The following DNAH3 variants were observed in gnomAD, a reference collection of about 807,000 sequenced individuals.
The protein encoded by DNAH3 is axonemal beta dynein heavy chain 3.
Under a neutral mutation model 432.5 loss-of-function variants are expected in DNAH3, and 332 were observed. The observed-to-expected ratio is 0.77, with a 90% CI of 0.70 to 0.84. DNAH3 has a LOEUF of 0.84. DNAH3 is among the 40% of genes least tolerant of loss of function. DNAH3 has a pLI of 0.00. For synonymous variants in DNAH3, 1,956 were observed against 1,900.2 expected (o/e 1.03, Z -0.76); for missense variants, 4,861 against 5,114.0 (o/e 0.95, Z 1.51).
At chr16:21,098,635 C>T (rs769897712) in exon 17 of DNAH3, 15 of 1,612,876 alleles carry the variant, frequency 9.3e-6, no homozygotes, top group Middle Eastern at 1.6e-4. Context: ...TGCAAACGCC[C>T]GATTTAGGTT....
At chr16:21,089,020 T>C (rs2091458473) in intron 18 of DNAH3, among the ~76,000 whole-genome samples, 1 of 152,170 alleles carries the variant, frequency 6.6e-6, no homozygotes, top group Admixed American at 6.5e-5. Context: ...GCCATCAAAA[T>C]GTGAGCTATA....
chr16:21,092,150 T>C (rs1235795811), intron 18 of DNAH3, among the ~76,000 whole-genome samples: 1 of 152,162 alleles, frequency 6.6e-6, no homozygotes, highest in Non-Finnish European at 1.5e-5. Context: ...AGATCCAGAA[T>C]AGCCAACACA....
At chr16:20,949,692 C>T (rs1047165718) in intron 56 of DNAH3, among the ~76,000 whole-genome samples, 4 of 152,114 alleles carry the variant, frequency 2.6e-5, no homozygotes, top group African/African-American at 9.7e-5. Context: ...AGAATTACAA[C>T]GAGCAAAGAC....
At chr16:21,044,750 C>A (rs1226976189) in intron 31 of DNAH3, among the ~76,000 whole-genome samples, 38 of 92,014 alleles carry the variant, frequency 4.1e-4, no homozygotes, top group African/African-American at 1.6e-3. Context: ...CTGTCTTGTG[C>A]CAGTTTTCAA....
At chr16:21,062,612 G>A (rs144617499) in exon 25 of DNAH3, 35,521 of 1,613,812 alleles carry the variant, frequency 0.022, 457 homozygotes, top group South Asian at 0.029. Context: ...CTTCAAGTGC[G>A]GCTGCACTCG....
At chr16:20,940,433 AT>A (rs970618913) in intron 59 of DNAH3, among the ~76,000 whole-genome samples, 18 of 150,904 alleles carry the variant, frequency 1.2e-4, no homozygotes, top group Non-Finnish European at 1.9e-4. Context: ...CTATTGTGTA[AT>A]TTTTTTTTAA....
chr16:21,154,618 C>T (rs1211355571), intron 1 of DNAH3, among the ~76,000 whole-genome samples: 2 of 152,194 alleles, frequency 1.3e-5, no homozygotes, highest in Non-Finnish European at 1.5e-5. Context: ...GTCTTTGAAT[C>T]TTCTCAACAA....
exon 40 of DNAH3, chr16:21,022,077 A>G (rs764560839): frequency 6.2e-7 from 1 of 1,614,058 alleles, no homozygotes; most frequent in South Asian, 1.1e-5. Context: ...AGGGCTGGAC[A>G]AGCCACATGA....
At chr16:20,974,017 G>C (rs2085462894) in intron 51 of DNAH3, among the ~76,000 whole-genome samples, 1 of 151,904 alleles carries the variant, frequency 6.6e-6, no homozygotes, top group African/African-American at 2.4e-5. Context: ...AAACATATTG[G>C]GTCTTTTTGT....
chr16:21,053,310 T>C (rs776093044), intron 28 of DNAH3, among the ~76,000 whole-genome samples: 2 of 152,268 alleles, frequency 1.3e-5, no homozygotes, highest in African/African-American at 2.4e-5. Flanking sequence ...GGTGAATATA[T>C]AGGGGAACCA....
intron 32 of DNAH3, 66 bp from the exon 33 acceptor site, chr16:21,040,009 C>T: frequency 7.5e-7 from 1 of 1,331,892 alleles, no homozygotes; most frequent in South Asian, 1.2e-5. Context: ...CGCACATTCA[C>T]AGAAGCAAAG....
At chr16:21,026,062 T>C (rs1019646386) in intron 38 of DNAH3, among the ~76,000 whole-genome samples, 2 of 152,066 alleles carry the variant, frequency 1.3e-5, no homozygotes, top group African/African-American at 2.4e-5. Flanking sequence ...TAACAGGCAT[T>C]TGGGCTGTTT....
exon 53 of DNAH3, chr16:20,963,877 C>G: frequency 6.2e-7 from 1 of 1,614,088 alleles, no homozygotes. Context: ...GCTCTTCGTG[C>G]TGTGGGTCAA....
rs555449448 is a variant in DNAH3, at chr16:21,070,895, A to C, written c.3085-69T>G. ...CCCATTTTTCTTTTCCTTTTTTAAA[A>C]ATTTATTTATTTGAGACAGGGTCTC... On this transcript the variant is annotated intron_variant, in intron 21 of 61. Coordinates refer to ENST00000261383, the Ensembl canonical transcript of DNAH3. 37 of 1,032,682 alleles carry C rather than the reference A, an allele frequency of 3.6e-5. No individual in the cohort carries two copies. The African/African-American group carries it at 5.2e-4, about 15-fold the overall frequency. 64.0% of individuals were successfully genotyped at this position (1,032,682 alleles called of 1,614,324 possible).
intron 51 of DNAH3, among the ~76,000 whole-genome samples, chr16:20,971,502 C>T (rs774111581): frequency 6.6e-6 from 1 of 152,272 alleles, no homozygotes; most frequent in Middle Eastern, 3.4e-3. Context: ...AATCAGACAC[C>T]GGTTTCTCCT....
intron 3 of DNAH3, among the ~76,000 whole-genome samples, chr16:21,142,119 C>T (rs2092727061): frequency 6.6e-6 from 1 of 151,836 alleles, no homozygotes; most frequent in Non-Finnish European, 1.5e-5. Flanking sequence ...GTAATCCCAG[C>T]ACTTTGGGAG....
intron 60 of DNAH3, 30 bp from the exon 61 acceptor site, chr16:20,935,515 A>T (rs1267487505): frequency 6.2e-7 from 1 of 1,605,180 alleles, no homozygotes; most frequent in Non-Finnish European, 8.5e-7. Context: ...AAGATTCAAA[A>T]TCAACAACAC....
chr16:21,060,984 C>T (rs1451485527), intron 25 of DNAH3, among the ~76,000 whole-genome samples: 3 of 151,744 alleles, frequency 2.0e-5, no homozygotes, highest in Non-Finnish European at 4.4e-5. Context: ...ACTACAGGCA[C>T]ATGCCACCAT....
chr16:20,980,616 G>A (rs1316619429), intron 49 of DNAH3, among the ~76,000 whole-genome samples: 6 of 151,600 alleles, frequency 4.0e-5, no homozygotes, highest in East Asian at 1.9e-4. Context: ...TGGAATTCTC[G>A]ACCTCAAGTG....
Sources: allele counts gnomAD v4.1 joint callset (sites outside exome capture counted in the v4.1 genomes callset), GRCh38; gene constraint gnomAD v4.1.1; transcripts MANE v1.5; gene names NCBI Gene and HGNC (gene_info 2026-07-23, HGNC 2026-07-21).